The following PABPC4L variants were observed in gnomAD, a reference collection of about 807,000 sequenced individuals.
PABPC4L encodes the protein poly(A) binding protein cytoplasmic 4 like.
For synonymous variants in PABPC4L, 169 were observed against 164.1 expected, an observed-to-expected ratio of 1.03 and a Z score of -0.23; for missense variants, 452 against 451.4, an observed-to-expected ratio of 1.00 and a Z score of -0.01.
At chr4:134,109,656 T>C in the PABPC4L span, among the ~76,000 whole-genome samples, 1 of 151,980 alleles carries the variant, frequency 6.6e-6, no homozygotes, top group Non-Finnish European at 1.5e-5. Context: ...ATTAGGTTTC[T>C]TTTCACCAAT....
chr4:134,011,702 A>G, the PABPC4L span, among the ~76,000 whole-genome samples: 3 of 152,156 alleles, frequency 2.0e-5, no homozygotes, highest in Non-Finnish European at 4.4e-5. Context: ...AAAATAAAAC[A>G]GATATGCTCT....
chr4:134,200,625 T>TC lies in PABPC4L; in HGVS notation c.394dup (p.Asp132GlyfsTer2). 1 of 1,551,654 alleles carries TC rather than the reference T, an allele frequency of 6.4e-7. No individual in the cohort carries two copies. The highest frequency in any genetic ancestry group is 1.4e-5 in the African/African-American group (1 of 73,156). ...TGCATAGCCCTTGGAGCCTTGATCA[T>TC]CACTCATCACCTTGGAGGAAAGGAT... On this transcript the variant is annotated frameshift_variant, in exon 2 of 2. Coordinates refer to ENST00000421491, the MANE Select transcript of PABPC4L (RefSeq NM_001114734.2). LOFTEE classifies it low-confidence loss of function (END_TRUNC).
the PABPC4L span, among the ~76,000 whole-genome samples, chr4:134,053,491 A>G: frequency 6.6e-6 from 1 of 152,108 alleles, no homozygotes; most frequent in Non-Finnish European, 1.5e-5. Context: ...ATAACCCTGT[A>G]GAGAATAGAG....
chr4:134,171,519 T>C, the PABPC4L span, among the ~76,000 whole-genome samples: 1 of 152,158 alleles, frequency 6.6e-6, no homozygotes. Context: ...TTCCGGATCC[T>C]AGCTGTTTGT....
the PABPC4L span, among the ~76,000 whole-genome samples, chr4:134,161,568 A>T: frequency 6.6e-6 from 1 of 152,276 alleles, no homozygotes; most frequent in African/African-American, 2.4e-5. Flanking sequence ...TATTTCCAGC[A>T]AAATTATCCT....
At chr4:134,052,274 A>C in the PABPC4L span, among the ~76,000 whole-genome samples, 1 of 152,186 alleles carries the variant, frequency 6.6e-6, no homozygotes. Context: ...ATATATTCTA[A>C]ATTTAAAGTT....
chr4:134,168,469 G>A, the PABPC4L span, among the ~76,000 whole-genome samples: 5 of 151,598 alleles, frequency 3.3e-5, no homozygotes, highest in South Asian at 8.3e-4. Flanking sequence ...AATTGCAAAT[G>A]AAAGAAAAAG....
the PABPC4L span, among the ~76,000 whole-genome samples, chr4:134,026,216 T>C: frequency 2.0e-5 from 3 of 151,390 alleles, no homozygotes; most frequent in Non-Finnish European, 4.4e-5. Context: ...AAATATTTAA[T>C]GTATATATTC....
the PABPC4L span, among the ~76,000 whole-genome samples, chr4:134,086,485 A>G: frequency 6.6e-6 from 1 of 152,158 alleles, no homozygotes; most frequent in East Asian, 1.9e-4. Context: ...TCCTTTCTTA[A>G]TAGTAGAAGA....
At chr4:134,136,696 T>C in the PABPC4L span, among the ~76,000 whole-genome samples, 19 of 152,058 alleles carry the variant, frequency 1.2e-4, no homozygotes, top group African/African-American at 4.6e-4. Flanking sequence ...TTTGTTTAAA[T>C]GTTTTGTTTT....
chr4:134,056,018 T>C, the PABPC4L span, among the ~76,000 whole-genome samples: 1 of 152,028 alleles, frequency 6.6e-6, no homozygotes, highest in Non-Finnish European at 1.5e-5. Flanking sequence ...GATTGAGTTT[T>C]ATTTTTTAAC....
the PABPC4L span, among the ~76,000 whole-genome samples, chr4:134,100,832 A>C: frequency 1.7e-3 from 253 of 151,704 alleles, 2 homozygotes; most frequent in Middle Eastern, 6.8e-3. Flanking sequence ...ACAATGTGCG[A>C]GAGATCTAAA....
chr4:133,959,977 A>G, the PABPC4L span, among the ~76,000 whole-genome samples: 1 of 152,208 alleles, frequency 6.6e-6, no homozygotes, highest in Non-Finnish European at 1.5e-5. Context: ...AATTCTGTTT[A>G]TATGTGTTTA....
the PABPC4L span, among the ~76,000 whole-genome samples, chr4:133,985,935 T>C: frequency 2.6e-5 from 4 of 152,106 alleles, no homozygotes; most frequent in Admixed American, 2.6e-4. Context: ...TCCAGATGAA[T>C]AATGTCAAGC....
chr4:134,151,112 T>C, the PABPC4L span, among the ~76,000 whole-genome samples: 5 of 152,096 alleles, frequency 3.3e-5, no homozygotes, highest in African/African-American at 1.2e-4. Context: ...GAATTCAAGA[T>C]AGTGCTTATT....
chr4:134,079,603 A>C, the PABPC4L span, among the ~76,000 whole-genome samples: 2 of 114,580 alleles, frequency 1.7e-5, no homozygotes, highest in African/African-American at 3.4e-5. Flanking sequence ...AAAAAAAAAA[A>C]AAAAAAAACT....
chr4:134,147,460 A>T, the PABPC4L span, among the ~76,000 whole-genome samples: 1 of 152,136 alleles, frequency 6.6e-6, no homozygotes, highest in Non-Finnish European at 1.5e-5. Context: ...TTTATTTTTG[A>T]GGAGATGTGT....
chr4:133,969,382 C>T, the PABPC4L span, among the ~76,000 whole-genome samples: 1 of 148,944 alleles, frequency 6.7e-6, no homozygotes, highest in Non-Finnish European at 1.5e-5. Context: ...GAAAAGTGTG[C>T]CTCTTCCTCT....
At chr4:134,029,228 G>A in the PABPC4L span, among the ~76,000 whole-genome samples, 1 of 152,058 alleles carries the variant, frequency 6.6e-6, no homozygotes, top group Non-Finnish European at 1.5e-5. Context: ...GCAGGATCCG[G>A]GAGGACGACC....
Sources: allele counts gnomAD v4.1 joint callset (sites outside exome capture counted in the v4.1 genomes callset), GRCh38; gene constraint gnomAD v4.1.1; transcripts MANE v1.5; gene names NCBI Gene and HGNC (gene_info 2026-07-23, HGNC 2026-07-21).